Variants in LOXHD1 observed in about 807,000 individuals in gnomAD.
LOXHD1 encodes lipoxygenase homology PLAT domains 1, also known as lipoxygenase homology domain-containing protein 1.
A neutral mutation model predicts 248.2 loss-of-function variants in LOXHD1; 205 were observed. The observed-to-expected ratio is 0.83, with a 90% CI of 0.74 to 0.93. LOXHD1 has a LOEUF of 0.93. LOXHD1 is among the 40% of genes least tolerant of loss of function. The pLI is 0.00. For synonymous variants in LOXHD1, 1,113 were observed against 1,162.8 expected (o/e 0.96, Z 0.87); for missense variants, 2,930 against 2,971.6 (o/e 0.99, Z 0.33).
chr18:46,478,477 G>T (rs2032236103), intron 40 of LOXHD1, among the ~76,000 whole-genome samples: 1 of 152,074 alleles, frequency 6.6e-6, no homozygotes, highest in African/African-American at 2.4e-5. Flanking sequence ...CCTCCTAACT[G>T]GTCTTCTAGC....
Position 46,538,174 on chromosome 18 carries a change from G to C in LOXHD1, c.4077C>G (p.Ala1359=). The C allele has an allele frequency of 6.5e-7, 1 of 1,532,772 alleles. No homozygotes were observed. Among genetic ancestry groups the C allele is most frequent in the South Asian group, 1.2e-5 (1 of 83,718 alleles). The allele number at this position is 1,532,772 out of a possible 1,614,324, so 94.9% of individuals were successfully genotyped here. A position where few individuals can be genotyped will look rare whatever the true frequency, so the allele number is the denominator to read the frequency against. ...EQKQFFERKS[A]SRFIVELEDV... is the part of the protein sequence containing the mutation. ...CAAGTACCTCTACGATGAAGCGGGAGGCAGACTTCCTCTCAAAGAACTGCT... is the reference window on the plus strand; with the variant it reads ...CAAGTACCTCTACGATGAAGCGGGACGCAGACTTCCTCTCAAAGAACTGCT... The change falls in exon 26 of 41, where the codon GCC becomes GCG. Residue 1359 remains alanine, a synonymous_variant. Transcript: ENST00000642948.
At chr18:46,551,106 CTTTT>C (rs1239620935) in intron 21 of LOXHD1, among the ~76,000 whole-genome samples, 1 of 141,026 alleles carries the variant, frequency 7.1e-6, no homozygotes, top group Non-Finnish European at 1.5e-5. Flanking sequence ...CTTTTCTTTT[CTTTT>C]TTTTTTTTTT....
intron 24 of LOXHD1, among the ~76,000 whole-genome samples, chr18:46,542,515 G>A (rs1454059808): frequency 1.3e-5 from 2 of 152,194 alleles, no homozygotes; most frequent in African/African-American, 2.4e-5. Flanking sequence ...AAAATCACCA[G>A]TGTCCAGGTA....
rs577535068 is a variant in LOXHD1, at chr18:46,561,118, G to C, written c.2599-573C>G. On this transcript the variant is annotated intron_variant, in intron 18 of 40. Coordinates refer to ENST00000642948, the MANE Select transcript of LOXHD1 (RefSeq NM_001384474.1). Reference sequence around the variant, plus strand: ...AAAAATTTCACCCACACCCACAGAGGCCCAAGCTCCCTCCTCCCCCAACCC... The same window carrying C: ...AAAAATTTCACCCACACCCACAGAGCCCCAAGCTCCCTCCTCCCCCAACCC... Among the ~76,000 whole-genome samples the C allele has an allele frequency of 2.0e-5, 3 of 152,188 alleles. No homozygotes were observed. The East Asian group carries it at 5.8e-4, about 29-fold the overall frequency.
chr18:46,543,255 G>A (rs185114863), intron 23 of LOXHD1, among the ~76,000 whole-genome samples: 60 of 152,218 alleles, frequency 3.9e-4, no homozygotes, highest in Non-Finnish European at 6.2e-4. Flanking sequence ...TTTTATAAGT[G>A]AGAACATTCA....
intron 37 of LOXHD1, 99 bp downstream of exon 37, chr18:46,505,738 TG>T: frequency 1.6e-6 from 2 of 1,286,580 alleles, no homozygotes; most frequent in Non-Finnish European, 2.2e-6. Context: ...TCTGCCACCC[TG>T]GGGTAATCAG....
chr18:46,551,585 A>AAATC (rs1444124492), intron 21 of LOXHD1, among the ~76,000 whole-genome samples: 6 of 152,220 alleles, frequency 3.9e-5, no homozygotes, highest in African/African-American at 1.4e-4. Context: ...TTAATAAAAA[A>AAATC]AATCAATCTA....
intron 8 of LOXHD1, among the ~76,000 whole-genome samples, chr18:46,598,365 T>C (rs1056186799): frequency 6.6e-6 from 1 of 151,952 alleles, no homozygotes. Context: ...ATCAACCAAA[T>C]AAAATATTAG....
chr18:46,557,421 G>A lies in LOXHD1; in HGVS notation c.3285C>T (p.Asn1095=), dbSNP rs2037387649. 6.4e-7 allele frequency: 1 copy of A among 1,552,170 alleles called. No individual in the cohort carries two copies. Among genetic ancestry groups the A allele is most frequent in the South Asian group, 1.2e-5 (1 of 84,068 alleles). Residue 1095 remains asparagine, a synonymous_variant, in exon 21 of 41, where the codon AAC becomes AAT. Transcript: ENST00000642948. ...ALTKIRIRHD[N]TGNRAGWFLD... Reference sequence around the variant, plus strand: ...GGAACCAGCCTGCTCTGTTGCCTGTGTTGTCGTGGCGAATCCGAATCTTGG... The same window carrying A: ...GGAACCAGCCTGCTCTGTTGCCTGTATTGTCGTGGCGAATCCGAATCTTGG...
intron 1 of LOXHD1, 70 bp downstream of exon 1, chr18:46,656,834 A>C (rs768486841): frequency 1.3e-6 from 2 of 1,500,004 alleles, no homozygotes; most frequent in Admixed American, 2.0e-5. Context: ...GACTCCCCAT[A>C]GACAGGAACA....
At position 46,635,695 on chromosome 18, in the gene LOXHD1, T is replaced by A. The variant is rs559734601; in HGVS notation, c.511+3921A>T. Reference sequence around the variant, plus strand: ...ATGTTAATATCTACTAGTGTATGCCTGACATTTATAGCAAATGATAACAGT... The same window carrying A: ...ATGTTAATATCTACTAGTGTATGCCAGACATTTATAGCAAATGATAACAGT... On this transcript the variant is annotated intron_variant, in intron 4 of 40. Coordinates refer to ENST00000642948, the MANE Select transcript of LOXHD1 (RefSeq NM_001384474.1). 2.0e-5 allele frequency among the ~76,000 whole-genome samples: 3 copies of A among 152,358 alleles called. No individual in the cohort carries two copies. In the South Asian group the frequency reaches 6.2e-4, roughly 32 times the overall value.
At chr18:46,638,872 T>G (rs896120423) in intron 4 of LOXHD1, among the ~76,000 whole-genome samples, 14 of 152,236 alleles carry the variant, frequency 9.2e-5, no homozygotes, top group Admixed American at 6.5e-5. Flanking sequence ...ACTGAGTGAT[T>G]GTAGGAAGCC....
Position 46,496,129 on chromosome 18 carries a change from A to T in LOXHD1, c.5879-6987T>A, listed in dbSNP as rs75516212. 7.7e-3 allele frequency among the ~76,000 whole-genome samples: 1,170 copies of T among 152,360 alleles called. 16 individuals are homozygous for T. The highest frequency in any genetic ancestry group is 0.026 in the African/African-American group (1,097 of 41,582). Reference sequence around the variant, plus strand: ...CCAGCAACCAAAAAGAAAAAATTTTAAAAGGTATGAACAATACAGCTGGTG... The same window carrying T: ...CCAGCAACCAAAAAGAAAAAATTTTTAAAGGTATGAACAATACAGCTGGTG... On this transcript the variant is annotated intron_variant, in intron 37 of 40. Coordinates refer to ENST00000642948, the MANE Select transcript of LOXHD1 (RefSeq NM_001384474.1).
intron 29 of LOXHD1, among the ~76,000 whole-genome samples, chr18:46,528,865 A>G (rs2035937735): frequency 6.6e-6 from 1 of 152,186 alleles, no homozygotes; most frequent in Non-Finnish European, 1.5e-5. Flanking sequence ...AACCATGCAC[A>G]GTGAACTGGA....
rs2034833172 is a variant in LOXHD1 at position 46,509,731 on chromosome 18, G to A, written c.5484C>T (p.Gly1828=). The part of the protein sequence containing the change: ...PFTKMRIRID[G]LGSRPEWFLE... The stretch of plus-strand genomic sequence containing the variant: ...GGAACCACTCCGGCCGACTGCCCAG[G>A]CCATCAATCCGGATCCGCATCTTGG... The change falls in exon 35 of 41, where the codon GGC becomes GGT. Residue 1828 remains glycine (G), a synonymous_variant. Transcript: ENST00000642948. 1.3e-6 allele frequency: 2 copies of A among 1,551,504 alleles called. No homozygotes were observed. The highest frequency in any genetic ancestry group is 2.0e-5 in the Admixed American group (1 of 50,984).
chr18:46,637,336 T>C (rs1395412778), intron 4 of LOXHD1, among the ~76,000 whole-genome samples: 5 of 152,236 alleles, frequency 3.3e-5, no homozygotes, highest in African/African-American at 1.2e-4. Context: ...CCCTGAGGAT[T>C]CTTGTGGAAC....
chr18:46,501,544 TG>T (rs2034233155), intron 37 of LOXHD1, among the ~76,000 whole-genome samples: 2 of 152,228 alleles, frequency 1.3e-5, no homozygotes, highest in Non-Finnish European at 2.9e-5. Context: ...ATAGGGCTGT[TG>T]GTCATGAGTT....
chr18:46,644,618 T>C (rs1416169926), intron 2 of LOXHD1, among the ~76,000 whole-genome samples: 1 of 152,076 alleles, frequency 6.6e-6, no homozygotes, highest in Non-Finnish European at 1.5e-5. Flanking sequence ...CTCAGGAGGC[T>C]GAGGCGGGAG....
intron 16 of LOXHD1, among the ~76,000 whole-genome samples, chr18:46,568,669 C>G (rs2037691343): frequency 6.6e-6 from 1 of 152,164 alleles, no homozygotes; most frequent in Non-Finnish European, 1.5e-5. Context: ...GTGCTGACCT[C>G]CCCATTACTG....
Sources: allele counts gnomAD v4.1 joint callset (sites outside exome capture counted in the v4.1 genomes callset), GRCh38; gene constraint gnomAD v4.1.1; transcripts MANE v1.5; gene names NCBI Gene and HGNC (gene_info 2026-07-23, HGNC 2026-07-21).